The following DNA2 variants were observed in gnomAD, a reference collection of about 807,000 sequenced individuals.
DNA2 encodes the protein DNA replication ATP-dependent helicase/nuclease DNA2.
In DNA2, 101 loss-of-function variants were observed where a neutral mutation model predicts 119.1. The ratio of observed to expected loss-of-function variants is 0.85; its 90% CI spans 0.72 to 1.00. DNA2 has a LOEUF of 1.00. Ranked by LOEUF, DNA2 falls within the 50% of genes least tolerant of loss-of-function variation. DNA2 has a pLI of 0.00. For missense variants in DNA2, 1,121 were observed against 1,255.5 expected, an observed-to-expected ratio of 0.89 and a Z score of 1.62; for synonymous variants, 366 against 424.4, an observed-to-expected ratio of 0.86 and a Z score of 1.69.
chr10:68,441,260 G>A (rs1285284418), intron 9 of DNA2, among the ~76,000 whole-genome samples: 1 of 146,854 alleles, frequency 6.8e-6, no homozygotes, highest in Admixed American at 7.0e-5. Flanking sequence ...CTTTATCCCA[G>A]AAGTTCGAGG....
In DNA2 at chr10:68,459,124, G is replaced by A; in HGVS notation, c.699C>T (p.Phe233=). 1.3e-6 allele frequency: 2 copies of A among 1,599,358 alleles called. No individual in the cohort carries two copies. The highest frequency in any genetic ancestry group is 1.7e-6 in the Non-Finnish European group (2 of 1,172,338). Residue 233 remains phenylalanine (F), a synonymous_variant, in exon 5 of 21, where the codon TTC becomes TTT. Coordinates refer to ENST00000358410, the MANE Select transcript of DNA2 (RefSeq NM_001080449.3). ...CTTACAGAGAGAGCTGCATCTGAGG[G>A]AAGTCAGTCGAAGTGTTTTTATGCA... ...DFMHKNTSTD[F]PQMQLSLPSD...
chr10:68,427,111 G>A (rs1407729172), intron 14 of DNA2, among the ~76,000 whole-genome samples: 2 of 152,120 alleles, frequency 1.3e-5, no homozygotes, highest in African/African-American at 4.8e-5. Context: ...GCTCAAGCCT[G>A]TAATCCCAGC....
In DNA2 at chr10:68,419,281, A is replaced by G. The variant is rs577823289; in HGVS notation, c.2788-68T>C. ...TAAGTTAAACTTTTCTGAATTTAAT[A>G]ATTAAATGTTTACATTATGTGCCCA... On this transcript the variant is annotated intron_variant, in intron 18 of 20. Transcript: ENST00000358410. 6.6e-5 allele frequency: 82 copies of G among 1,235,082 alleles called. 1 individual carries two copies. In the South Asian group the frequency reaches 1.1e-3, roughly 16 times the overall value. The allele number at this position is 1,235,082 out of a possible 1,614,324, so 76.5% of individuals were successfully genotyped here.
chr10:68,444,771 T>C (rs182250462), intron 8 of DNA2, 150 bp downstream of exon 8: 1 of 561,364 alleles, frequency 1.8e-6, no homozygotes, highest in East Asian at 3.4e-5. Context: ...TTTTTTTCTA[T>C]TATCTTAATT....
intron 7 of DNA2, among the ~76,000 whole-genome samples, chr10:68,445,375 A>C (rs1296006563): frequency 1.3e-5 from 2 of 152,012 alleles, no homozygotes; most frequent in African/African-American, 4.8e-5. Flanking sequence ...AGGCAGGAGA[A>C]TCACCTGAAC....
intron 10 of DNA2, 31 bp downstream of exon 10, chr10:68,436,980 G>C: frequency 6.7e-7 from 1 of 1,495,766 alleles, no homozygotes; most frequent in East Asian, 2.3e-5. Flanking sequence ...TATCAATAAA[G>C]CTGTTATCAA....
Position 68,467,985 on chromosome 10 carries a change from T to A in DNA2, c.441+138A>T, listed in dbSNP as rs552823784. ...TCACTTCACCTCTCTGAGCCCATTT[T>A]CCTCATCTATAAAATGCAGCTAATT... is the stretch of plus-strand genomic sequence containing the variant. On this transcript the variant is annotated intron_variant, in intron 3 of 20. Transcript: ENST00000358410. 39 of 623,686 alleles carry A rather than the reference T, an allele frequency of 6.3e-5. No homozygotes were observed. The South Asian group carries it at 1.7e-3, about 26-fold the overall frequency. 38.6% of individuals were successfully genotyped at this position (623,686 alleles called of 1,614,324 possible). A position where few individuals can be genotyped will look rare whatever the true frequency, so the allele number is the denominator to read the frequency against.
chr10:68,469,803 A>G (rs1417759009), intron 2 of DNA2, among the ~76,000 whole-genome samples, 178 bp downstream of exon 2: 1 of 152,106 alleles, frequency 6.6e-6, no homozygotes, highest in Non-Finnish European at 1.5e-5. Context: ...CAATTTTTGG[A>G]ATATGAGACT....
rs2051681217 is a variant in DNA2 at position 68,422,680 on chromosome 10, CTT to C, written c.2402+15_2402+16del. ...AAAATAATCTAGTTTAAAATTAACACTTAAGTGTCTGCCTACCTTGCTTCACG... is the reference window on the plus strand; with the variant it reads ...AAAATAATCTAGTTTAAAATTAACACAAGTGTCTGCCTACCTTGCTTCACG... On this transcript the variant is annotated intron_variant, in intron 15 of 20. Coordinates refer to ENST00000358410, the MANE Select transcript of DNA2 (RefSeq NM_001080449.3). 6.2e-7 allele frequency: 1 copy of C among 1,613,394 alleles called. No individual in the cohort carries two copies. The highest frequency in any genetic ancestry group is 1.3e-5 in the African/African-American group (1 of 74,802).
intron 4 of DNA2, among the ~76,000 whole-genome samples, chr10:68,463,916 T>C (rs1028712307): frequency 6.6e-6 from 1 of 152,084 alleles, no homozygotes; most frequent in Non-Finnish European, 1.5e-5. Context: ...AAGACAAAAT[T>C]AGCAATGCTA....
chr10:68,458,823 C>T (rs2052219370), intron 5 of DNA2, among the ~76,000 whole-genome samples: 1 of 151,802 alleles, frequency 6.6e-6, no homozygotes. Flanking sequence ...TATTTCCAGC[C>T]TGTGCGACAG....
intron 14 of DNA2, among the ~76,000 whole-genome samples, chr10:68,427,427 A>C (rs2051756766): frequency 6.6e-6 from 1 of 152,018 alleles, no homozygotes; most frequent in Non-Finnish European, 1.5e-5. Flanking sequence ...TGGGAGGCAG[A>C]CAGAGGTGGG....
chr10:68,415,556 G>A (rs1339316321), intron 20 of DNA2, among the ~76,000 whole-genome samples: 3 of 152,082 alleles, frequency 2.0e-5, no homozygotes, highest in South Asian at 2.1e-4. Context: ...GATTACAAGC[G>A]TGAGCCACCA....
intron 4 of DNA2, chr10:68,461,308 C>T (rs934120418): frequency 1.3e-5 from 2 of 152,162 alleles, no homozygotes; most frequent in African/African-American, 4.8e-5. Flanking sequence ...GGGTACATGA[C>T]ATAAAACATA....
intron 9 of DNA2, among the ~76,000 whole-genome samples, chr10:68,442,286 T>C (rs2051979947): frequency 6.6e-6 from 1 of 151,996 alleles, no homozygotes; most frequent in East Asian, 1.9e-4. Context: ...TGGTGCGATG[T>C]TGGCTTACTG....
At chr10:68,424,690 T>C (rs948217654) in intron 14 of DNA2, 1 of 1,606,702 alleles carries the variant, frequency 6.2e-7, no homozygotes, top group Non-Finnish European at 8.5e-7. Flanking sequence ...AAGTACAATG[T>C]CCGCTCCACA....
intron 4 of DNA2, among the ~76,000 whole-genome samples, chr10:68,461,876 G>A (rs2052264670): frequency 6.7e-6 from 1 of 149,870 alleles, no homozygotes. Flanking sequence ...ATTGTTTGAG[G>A]CTACAGTGGG....
At position 68,437,014 on chromosome 10, in the gene DNA2, T is replaced by C. The variant is rs1333784640; in HGVS notation, c.1643A>G (p.Asp548Gly). Residue 548 changes from aspartate to glycine, a missense_variant, in exon 10 of 21, where the codon GAC becomes GGC. Coordinates refer to ENST00000358410, the MANE Select transcript of DNA2 (RefSeq NM_001080449.3). ...INMTTVTCLL[D>G]RNLSVLPEST... ...AAAAAAAGTAACATTTCATTACCTG[T>C]CTAATAAACAAGTTACTGTTGTCAT... The C allele has an allele frequency of 1.2e-6, 2 of 1,604,474 alleles. No homozygotes were observed. The highest frequency in any genetic ancestry group is 2.7e-5 in the African/African-American group (2 of 74,660).
chr10:68,470,517 G>A, intron 1 of DNA2: 1 of 422,790 alleles, frequency 2.4e-6, no homozygotes, highest in Non-Finnish European at 4.6e-6. Context: ...AAGAGGCTGA[G>A]GTGGAAGGAC....
Sources: gnomAD v4.1 joint callset for allele counts (sites outside exome capture counted in the v4.1 genomes callset) on GRCh38, gnomAD v4.1.1 for gene constraint, MANE v1.5 for transcripts, NCBI Gene and HGNC (gene_info 2026-07-23, HGNC 2026-07-21) for gene names.